Variants in NOL4 observed in about 807,000 individuals in gnomAD.
The protein encoded by NOL4 is cancer/testis antigen 125.
NOL4 carries 17 observed loss-of-function variants against 75.9 expected under a neutral mutation model. The ratio of observed to expected loss-of-function variants is 0.22; its 90% CI spans 0.15 to 0.34. The LOEUF is 0.34. NOL4 is among the 10% of genes least tolerant of loss of function. The pLI is 1.00. For synonymous variants in NOL4, 292 were observed against 289.9 expected, an observed-to-expected ratio of 1.01 and a Z score of -0.07; for missense variants, 614 against 793.5, an observed-to-expected ratio of 0.77 and a Z score of 2.72.
intron 8 of NOL4, among the ~76,000 whole-genome samples, chr18:33,948,909 C>T (rs1489434844): frequency 6.6e-6 from 1 of 151,968 alleles, no homozygotes; most frequent in East Asian, 1.9e-4. Flanking sequence ...TTAGTAGACT[C>T]ACAACCTTTT....
intron 9 of NOL4, among the ~76,000 whole-genome samples, chr18:33,891,269 G>C (rs1053322894): frequency 6.6e-6 from 1 of 152,014 alleles, no homozygotes; most frequent in Non-Finnish European, 1.5e-5. Flanking sequence ...AGGCTTCTGG[G>C]GGAAATGGCT....
At chr18:33,955,632 C>T (rs143693338) in intron 8 of NOL4, among the ~76,000 whole-genome samples, 1 of 152,096 alleles carries the variant, frequency 6.6e-6, no homozygotes, top group East Asian at 1.9e-4. Context: ...GGTTCACAGT[C>T]CCGGTGTTGA....
At chr18:34,120,934 T>A (rs1416102921) in intron 2 of NOL4, among the ~76,000 whole-genome samples, 1 of 152,180 alleles carries the variant, frequency 6.6e-6, no homozygotes, top group Non-Finnish European at 1.5e-5. Flanking sequence ...GTGGTTTATG[T>A]TAAATTATAA....
intron 1 of NOL4, among the ~76,000 whole-genome samples, chr18:34,210,009 T>G (rs1443451784): frequency 3.3e-5 from 5 of 152,230 alleles, no homozygotes; most frequent in African/African-American, 1.2e-4. Flanking sequence ...CAAAAACTTA[T>G]TAACACTTCC....
At chr18:34,046,811 C>T (rs12604802) in intron 5 of NOL4, among the ~76,000 whole-genome samples, 65,796 of 150,566 alleles carry the variant, frequency 0.44, 14,838 homozygotes, top group East Asian at 0.52. Flanking sequence ...TATCCAAAAT[C>T]TATGAAGGGA....
chr18:34,062,551 C>T (rs1406551315), intron 5 of NOL4, among the ~76,000 whole-genome samples: 1 of 151,972 alleles, frequency 6.6e-6, no homozygotes, highest in Non-Finnish European at 1.5e-5. Context: ...ATAATGCCTG[C>T]CATTTCCATT....
At chr18:34,135,838 A>G (rs1305477522) in intron 1 of NOL4, among the ~76,000 whole-genome samples, 3 of 152,084 alleles carry the variant, frequency 2.0e-5, no homozygotes, top group East Asian at 1.9e-4. Flanking sequence ...AAATTATCCA[A>G]TGAGGCCAGC....
intron 8 of NOL4, among the ~76,000 whole-genome samples, chr18:33,946,396 G>A (rs1231703582): frequency 6.6e-6 from 1 of 151,606 alleles, no homozygotes; most frequent in Non-Finnish European, 1.5e-5. Context: ...TTTGAGAAAA[G>A]TACTTATATT....
intron 9 of NOL4, among the ~76,000 whole-genome samples, chr18:33,887,205 T>C (rs981879005): frequency 2.0e-5 from 3 of 147,558 alleles, no homozygotes; most frequent in African/African-American, 7.4e-5. Flanking sequence ...AAATTAGAAA[T>C]AAAAAAGATT....
At chr18:33,995,785 C>T (rs561337338) in intron 6 of NOL4, among the ~76,000 whole-genome samples, 20 of 151,816 alleles carry the variant, frequency 1.3e-4, no homozygotes, top group Admixed American at 9.2e-4. Context: ...GGAGTCAGAA[C>T]ACATTTTGTA....
At chr18:34,144,444 T>C (rs2081317310) in intron 1 of NOL4, among the ~76,000 whole-genome samples, 1 of 152,134 alleles carries the variant, frequency 6.6e-6, no homozygotes, top group African/African-American at 2.4e-5. Context: ...AACTAACTCA[T>C]CTAATGTGAC....
At chr18:34,213,657 C>A (rs2036674223) in intron 1 of NOL4, among the ~76,000 whole-genome samples, 1 of 152,180 alleles carries the variant, frequency 6.6e-6, no homozygotes, top group South Asian at 2.1e-4. Context: ...GCGTTTAGAC[C>A]CCTTCCCTTC....
chr18:34,172,169 G>T (rs1381734612), intron 1 of NOL4, among the ~76,000 whole-genome samples: 1 of 152,022 alleles, frequency 6.6e-6, no homozygotes, highest in Non-Finnish European at 1.5e-5. Flanking sequence ...GGAACTAAAA[G>T]ATTAATAATT....
At chr18:33,993,841 A>T (rs1310288223) in intron 6 of NOL4, among the ~76,000 whole-genome samples, 2 of 151,878 alleles carry the variant, frequency 1.3e-5, no homozygotes, top group Non-Finnish European at 2.9e-5. Flanking sequence ...AGGGATTAAC[A>T]GTAGATTTGA....
At chr18:34,117,180 C>T (rs1455547252) in intron 2 of NOL4, among the ~76,000 whole-genome samples, 1 of 152,158 alleles carries the variant, frequency 6.6e-6, no homozygotes. Context: ...TTAATCCTCA[C>T]AACAGTCCCA....
chr18:34,002,784 T>C (rs562842257), intron 6 of NOL4, among the ~76,000 whole-genome samples: 1 of 152,198 alleles, frequency 6.6e-6, no homozygotes, highest in South Asian at 2.1e-4. Flanking sequence ...AAGTCCCCAT[T>C]TACTTTCTTA....
intron 5 of NOL4, among the ~76,000 whole-genome samples, chr18:34,021,825 T>A (rs2144495249): frequency 6.6e-6 from 1 of 151,986 alleles, no homozygotes; most frequent in East Asian, 1.9e-4. Flanking sequence ...AGTAAAAAAT[T>A]AAAAAACAGG....
chr18:33,863,243 C>T (rs11660272), intron 10 of NOL4, among the ~76,000 whole-genome samples: 15,503 of 150,814 alleles, frequency 0.1, 956 homozygotes, highest in Non-Finnish European at 0.14. Flanking sequence ...GACACAGGTA[C>T]GGTAACATCA....
chr18:34,184,941 G>T (rs1436821894), intron 1 of NOL4, among the ~76,000 whole-genome samples: 3 of 152,222 alleles, frequency 2.0e-5, no homozygotes, highest in South Asian at 4.1e-4. Flanking sequence ...TTCAGAAGCG[G>T]TGAGCAGAAA....
Sources: allele counts gnomAD v4.1 joint callset (sites outside exome capture counted in the v4.1 genomes callset), GRCh38; gene constraint gnomAD v4.1.1; transcripts MANE v1.5; gene names NCBI Gene and HGNC (gene_info 2026-07-23, HGNC 2026-07-21).